STAP1: variants seen among roughly 807,000 people sequenced by gnomAD.
STAP1 encodes the protein signal-transducing adaptor protein 1.
STAP1 carries 30 observed loss-of-function variants against 37.8 expected under a neutral mutation model. The observed-to-expected ratio is 0.79, with a 90% CI of 0.59 to 1.08. STAP1 has a LOEUF of 1.08. STAP1 is among the 50% of genes least tolerant of loss of function. The pLI is 0.00. For synonymous variants in STAP1, 130 were observed against 116.0 expected, an observed-to-expected ratio of 1.12 and a Z score of -0.78; for missense variants, 357 against 349.4, an observed-to-expected ratio of 1.02 and a Z score of -0.17.
At chr4:67,589,487 C>T (rs1007441676) in intron 6 of STAP1, among the ~76,000 whole-genome samples, 13 of 152,116 alleles carry the variant, frequency 8.5e-5, no homozygotes, top group East Asian at 5.8e-4. Context: ...TAAATGAAAA[C>T]GGAAGGAGAA....
chr4:67,595,474 C>G (rs1446844517), intron 8 of STAP1, among the ~76,000 whole-genome samples: 1 of 151,410 alleles, frequency 6.6e-6, no homozygotes, highest in Non-Finnish European at 1.5e-5. Context: ...TTCAAGGTTG[C>G]AGTGCACTAT....
chr4:67,597,292 T>A (rs1728247100), intron 8 of STAP1, among the ~76,000 whole-genome samples: 1 of 152,222 alleles, frequency 6.6e-6, no homozygotes, highest in South Asian at 2.1e-4. Context: ...AAGACAAGAA[T>A]TGAGGTTTGA....
chr4:67,589,906 T>C (rs1334474765), intron 6 of STAP1, among the ~76,000 whole-genome samples: 1 of 151,906 alleles, frequency 6.6e-6, no homozygotes, highest in African/African-American at 2.4e-5. Context: ...CTGGATGCAA[T>C]GATTCGCCCA....
intron 8 of STAP1, among the ~76,000 whole-genome samples, chr4:67,596,261 G>C (rs1477570100): frequency 6.6e-6 from 1 of 152,142 alleles, no homozygotes; most frequent in African/African-American, 2.4e-5. Context: ...ACCTTGTGAA[G>C]ACGTGTCTTG....
chr4:67,596,037 TC>T (rs1176131455), intron 8 of STAP1, among the ~76,000 whole-genome samples: 3 of 152,216 alleles, frequency 2.0e-5, no homozygotes, highest in Admixed American at 2.0e-4. Context: ...ACATTTGAAT[TC>T]CATTGTTCAT....
Position 67,577,245 on chromosome 4 carries a change from C to T in STAP1, c.349C>T (p.Leu117Phe). The change falls in exon 4 of 9, where the codon CTT (leucine) becomes TTT (phenylalanine). Residue 117 changes from leucine (L) to phenylalanine (F), a missense_variant. Leu to Phe is a conservative substitution (Grantham distance 22, BLOSUM62 0). Transcript: ENST00000265404. ...TGGGGAAGAATGGAGAGGCTTCATT[C>T]TTACAGTAACAGAGGTAGGAAGCTC... is the stretch of plus-strand genomic sequence containing the variant. ...ESGEEWRGFI[L>F]TVTELSVPQN... 1 of 1,608,554 alleles carries T rather than the reference C, an allele frequency of 6.2e-7. No homozygotes were observed. Among genetic ancestry groups the T allele is most frequent in the Non-Finnish European group, 8.5e-7 (1 of 1,177,758 alleles).
intron 7 of STAP1, among the ~76,000 whole-genome samples, chr4:67,591,178 G>T (rs1463051730): frequency 6.6e-6 from 1 of 152,110 alleles, no homozygotes; most frequent in African/African-American, 2.4e-5. Flanking sequence ...TGCAGAGAAA[G>T]AAAAGTGGAA....
intron 4 of STAP1, 41 bp downstream of exon 4, chr4:67,577,300 C>G: frequency 1.4e-6 from 2 of 1,473,394 alleles, no homozygotes; most frequent in African/African-American, 1.4e-5. Flanking sequence ...TTTTTTTTTT[C>G]AACAAATATC....
chr4:67,605,305 C>T (rs908609084), intron 8 of STAP1, among the ~76,000 whole-genome samples: 3 of 151,238 alleles, frequency 2.0e-5, no homozygotes, highest in Non-Finnish European at 4.4e-5. Flanking sequence ...TTTTAGGTGC[C>T]CATGCTGTCA....
At chr4:67,581,504 C>T (rs746831095) in intron 5 of STAP1, 33 bp downstream of exon 5, 10 of 1,567,422 alleles carry the variant, frequency 6.4e-6, no homozygotes, top group Admixed American at 1.9e-5. Context: ...TTTATTCATT[C>T]GATTGTTAAA....
chr4:67,570,788 G>C (rs887566447), intron 1 of STAP1, among the ~76,000 whole-genome samples: 8 of 152,022 alleles, frequency 5.3e-5, no homozygotes, highest in African/African-American at 1.7e-4. Flanking sequence ...TGTTAAGCCA[G>C]GTATGGTGGC....
intron 6 of STAP1, among the ~76,000 whole-genome samples, chr4:67,583,915 G>A (rs998955944): frequency 6.6e-6 from 1 of 151,894 alleles, no homozygotes; most frequent in South Asian, 2.1e-4. Flanking sequence ...TGGCTAACAC[G>A]GTGAAACCCC....
chr4:67,567,671 T>A (rs1727501999), intron 1 of STAP1, among the ~76,000 whole-genome samples: 1 of 152,244 alleles, frequency 6.6e-6, no homozygotes. Flanking sequence ...AGTCTTAGAA[T>A]AAGCTTGCCC....
intron 8 of STAP1, among the ~76,000 whole-genome samples, chr4:67,604,855 G>A (rs372986298): frequency 1.8e-4 from 28 of 152,110 alleles, no homozygotes; most frequent in Non-Finnish European, 3.4e-4. Flanking sequence ...TTCCAATATT[G>A]GTTCAGTTTT....
chr4:67,586,751 C>G (rs756777036), intron 6 of STAP1, among the ~76,000 whole-genome samples: 4 of 152,132 alleles, frequency 2.6e-5, no homozygotes, highest in Non-Finnish European at 5.9e-5. Context: ...TTAATAAGTT[C>G]ACTTTTGGTT....
At position 67,601,354 on chromosome 4, in the gene STAP1, CT is replaced by C. The variant is rs1728337834; in HGVS notation, c.827-4938del. ...TTGTAGTTATTTTTGATTGGTTCAT[CT>C]TTTAATCTTTCTATTTAAGATATAA... On this transcript the variant is annotated intron_variant, in intron 8 of 8. Coordinates refer to ENST00000265404, the MANE Select transcript of STAP1 (RefSeq NM_012108.4). Among the ~76,000 whole-genome samples, 6 of 152,144 alleles carry C rather than the reference CT, an allele frequency of 3.9e-5. No individual in the cohort carries two copies. In the South Asian group the frequency reaches 1.2e-3, roughly 32 times the overall value.
intron 1 of STAP1, among the ~76,000 whole-genome samples, chr4:67,565,051 C>T (rs1425426071): frequency 3.3e-5 from 5 of 152,196 alleles, no homozygotes; most frequent in Non-Finnish European, 7.3e-5. Context: ...TTGATTTACT[C>T]CTTTCATTGC....
Position 67,606,629 on chromosome 4 carries a change from C to G in STAP1, c.*272C>G, listed in dbSNP as rs551636039. ...TGACATAAGTTGAAAACACATAGTACTTTCTAGATGGAATTTTTTTCTTTA... is the reference window on the plus strand; with the variant it reads ...TGACATAAGTTGAAAACACATAGTAGTTTCTAGATGGAATTTTTTTCTTTA... On this transcript the variant is annotated 3_prime_UTR_variant, in exon 9 of 9. Coordinates refer to ENST00000265404, the MANE Select transcript of STAP1 (RefSeq NM_012108.4). 7.4e-6 allele frequency: 2 copies of G among 271,478 alleles called. No homozygotes were observed. The highest frequency in any genetic ancestry group is 6.6e-5 in the East Asian group (1 of 15,226). 16.8% of individuals were successfully genotyped at this position (271,478 alleles called of 1,614,324 possible).
intron 8 of STAP1, among the ~76,000 whole-genome samples, chr4:67,600,765 G>T (rs571678659): frequency 6.6e-6 from 1 of 152,016 alleles, no homozygotes; most frequent in South Asian, 2.1e-4. Context: ...TATAATTTTT[G>T]ACTTGAAATC....
Sources: gnomAD v4.1 joint callset for allele counts (sites outside exome capture counted in the v4.1 genomes callset) on GRCh38, gnomAD v4.1.1 for gene constraint, MANE v1.5 for transcripts, NCBI Gene and HGNC (gene_info 2026-07-23, HGNC 2026-07-21) for gene names.